The following LMBRD2 variants were observed in gnomAD, a reference collection of about 807,000 sequenced individuals.
LMBRD2 encodes LMBR1 domain containing 2.
Under a neutral mutation model 94.4 loss-of-function variants are expected in LMBRD2, and 55 were observed. The observed-to-expected ratio is 0.58, with a 90% CI of 0.47 to 0.73. The LOEUF (loss-of-function observed/expected upper bound fraction) is 0.73. Ranked by LOEUF, LMBRD2 falls within the 30% of genes least tolerant of loss-of-function variation. The pLI is 0.00. For synonymous variants in LMBRD2, 246 were observed against 272.4 expected (o/e 0.90, Z 0.95); for missense variants, 640 against 831.9 (o/e 0.77, Z 2.84).
chr5:36,123,225 G>A (rs968562737), intron 7 of LMBRD2, among the ~76,000 whole-genome samples: 1 of 152,024 alleles, frequency 6.6e-6, no homozygotes, highest in South Asian at 2.1e-4. Flanking sequence ...AGGCAGGGGA[G>A]CTTACCTGCA....
At position 36,124,920 on chromosome 5, in the gene LMBRD2, G is replaced by A. The variant is rs1399627400; in HGVS notation, c.748-655C>T. Among the ~76,000 whole-genome samples the A allele has an allele frequency of 2.0e-5, 3 of 150,762 alleles. No homozygotes were observed. In the East Asian group the frequency reaches 5.8e-4, roughly 29 times the overall value. ...AAACATTAGCCAGTCTCATAACCTGGTCTCTAAATAAATAAATAAATAAAT... is the reference window on the plus strand; with the variant it reads ...AAACATTAGCCAGTCTCATAACCTGATCTCTAAATAAATAAATAAATAAAT... On this transcript the variant is annotated intron_variant, in intron 6 of 17. Coordinates refer to ENST00000296603, the MANE Select transcript of LMBRD2 (RefSeq NM_001007527.2).
intron 4 of LMBRD2, among the ~76,000 whole-genome samples, chr5:36,139,540 T>G (rs1280139676): frequency 2.6e-5 from 4 of 152,198 alleles, no homozygotes; most frequent in Non-Finnish European, 5.9e-5. Flanking sequence ...GAGTGAGAAC[T>G]TAGGGTGCTT....
intron 16 of LMBRD2, among the ~76,000 whole-genome samples, chr5:36,106,048 T>A (rs1428840059): frequency 6.6e-6 from 1 of 152,082 alleles, no homozygotes; most frequent in Non-Finnish European, 1.5e-5. Context: ...TTTCTCTCAC[T>A]CATTCAGCAA....
chr5:36,141,912 AT>A (rs1561523365), intron 3 of LMBRD2, among the ~76,000 whole-genome samples: 1 of 152,146 alleles, frequency 6.6e-6, no homozygotes, highest in East Asian at 1.9e-4. Flanking sequence ...CTGAAGTTAG[AT>A]TTTTTAAAAA....
intron 17 of LMBRD2, among the ~76,000 whole-genome samples, chr5:36,104,601 C>A (rs909380022): frequency 9.2e-5 from 14 of 151,962 alleles, no homozygotes; most frequent in Admixed American, 3.3e-4. Flanking sequence ...ACTCTGGGCA[C>A]TTTACTGAGC....
In LMBRD2 at chr5:36,141,098, G is replaced by C. The variant is rs771964727; in HGVS notation, c.368+9C>G. 6.6e-7 allele frequency: 1 copy of C among 1,504,250 alleles called. No homozygotes were observed. The highest frequency in any genetic ancestry group is 1.2e-5 in the South Asian group (1 of 84,038). The allele number at this position is 1,504,250 out of a possible 1,614,324, so 93.2% of individuals were successfully genotyped here. A position where few individuals can be genotyped will look rare whatever the true frequency, so the allele number is the denominator to read the frequency against. On this transcript the variant is annotated intron_variant, in intron 4 of 17. Coordinates refer to ENST00000296603, the MANE Select transcript of LMBRD2 (RefSeq NM_001007527.2). ...AATTTTAAAAATTTTATCATTTACT[G>C]TAACTTACCATGTTAAAAATTGTGA...
chr5:36,136,242 C>G, intron 6 of LMBRD2, 67 bp downstream of exon 6: 1 of 1,488,950 alleles, frequency 6.7e-7, no homozygotes, highest in Non-Finnish European at 9.4e-7. Context: ...AACAACAAAC[C>G]AAAAATGACT....
intron 6 of LMBRD2, among the ~76,000 whole-genome samples, chr5:36,128,609 C>T (rs1179649579): frequency 2.0e-5 from 3 of 152,028 alleles, no homozygotes; most frequent in Non-Finnish European, 4.4e-5. Context: ...TACCAGCTAC[C>T]AGCTACTTGG....
At chr5:36,148,797 A>G (rs1744616752) in intron 1 of LMBRD2, among the ~76,000 whole-genome samples, 1 of 152,218 alleles carries the variant, frequency 6.6e-6, no homozygotes, top group South Asian at 2.1e-4. Flanking sequence ...TCTCTTCTCT[A>G]ATCTAGACAT....
intron 15 of LMBRD2, among the ~76,000 whole-genome samples, chr5:36,108,934 T>C (rs888601155): frequency 6.6e-6 from 1 of 152,154 alleles, no homozygotes; most frequent in South Asian, 2.1e-4. Flanking sequence ...ACTTTGACCA[T>C]GTAAAAGTTA....
At chr5:36,105,011 T>C in intron 17 of LMBRD2, 57 bp downstream of exon 17, 1 of 1,521,188 alleles carries the variant, frequency 6.6e-7, no homozygotes, top group Non-Finnish European at 9.0e-7. Context: ...GTCAAGTCAA[T>C]GTGTTATTAA....
At chr5:36,126,617 C>A (rs1744013645) in intron 6 of LMBRD2, among the ~76,000 whole-genome samples, 1 of 152,138 alleles carries the variant, frequency 6.6e-6, no homozygotes, top group South Asian at 2.1e-4. Flanking sequence ...GTAGAGGTGA[C>A]CTTTTTGGCC....
At chr5:36,139,839 A>G (rs1744362131) in intron 4 of LMBRD2, among the ~76,000 whole-genome samples, 2 of 152,186 alleles carry the variant, frequency 1.3e-5, no homozygotes, top group South Asian at 4.1e-4. Context: ...GAGTTGTACT[A>G]TCACTCAATA....
In LMBRD2 at chr5:36,108,536, C is replaced by T. The variant is rs758109890; in HGVS notation, c.1895G>A (p.Arg632His). ...GAACTAGAAGATAAACTACTTACAA[C>T]GGTTGGTATTAACATCTGAGAAGTT... ...ESNFSDVNTN[R>H]SAFKYTRANN... Residue 632 changes from arginine (R) to histidine (H), a missense_variant and splice_region_variant, in exon 16 of 18, where the codon CGT becomes CAT. Transcript: ENST00000296603. 7.0e-5 allele frequency: 105 copies of T among 1,508,044 alleles called. No homozygotes were observed. Among genetic ancestry groups the T allele is most frequent in the Non-Finnish European group, 8.2e-5 (90 of 1,100,336 alleles). The allele number at this position is 1,508,044 out of a possible 1,614,324, so 93.4% of individuals were successfully genotyped here. A position where few individuals can be genotyped will look rare whatever the true frequency, so the allele number is the denominator to read the frequency against.
chr5:36,107,809 G>A (rs1238631897), intron 16 of LMBRD2, among the ~76,000 whole-genome samples: 1 of 152,112 alleles, frequency 6.6e-6, no homozygotes, highest in East Asian at 1.9e-4. Flanking sequence ...TGCAAAACTT[G>A]TAGCTGAGTG....
chr5:36,149,219 G>C (rs376582337), intron 1 of LMBRD2, among the ~76,000 whole-genome samples: 8 of 152,066 alleles, frequency 5.3e-5, no homozygotes, highest in African/African-American at 1.9e-4. Context: ...CAAAGTCCCT[G>C]CCCTTAAAAA....
Position 36,151,028 on chromosome 5 carries a change from T to C in LMBRD2, c.-58+528A>G, listed in dbSNP as rs1036205435. 6.6e-6 allele frequency among the ~76,000 whole-genome samples: 1 copy of C among 152,200 alleles called. No homozygotes were observed. The highest frequency in any genetic ancestry group is 2.4e-5 in the African/African-American group (1 of 41,450). ...TTCATCCCCCTTCCCTCTTCCACTG[T>C]TTTCCCGGGGTCACAGTTGTAGTAT... On this transcript the variant is annotated intron_variant, in intron 1 of 17. Coordinates refer to ENST00000296603, the MANE Select transcript of LMBRD2 (RefSeq NM_001007527.2). This position sits in a 1 kb window ranked among gnomAD's most constrained non-coding sequence, Gnocchi z 4.7.
At position 36,120,109 on chromosome 5, in the gene LMBRD2, A is replaced by G. The variant is rs1281284487; in HGVS notation, c.1120+2171T>C. On this transcript the variant is annotated intron_variant, in intron 9 of 17. Transcript: ENST00000296603. Reference sequence around the variant, plus strand: ...GAGTCTCATTCTGTCCCCAGGCTGGAGTGTAGTGGTGCAATCTTGGCTCAC... The same window carrying G: ...GAGTCTCATTCTGTCCCCAGGCTGGGGTGTAGTGGTGCAATCTTGGCTCAC... Among the ~76,000 whole-genome samples the G allele has an allele frequency of 2.1e-5, 3 of 140,080 alleles. No individual in the cohort carries two copies. The Admixed American group carries it at 2.3e-4, about 11-fold the overall frequency. 91.9% of individuals were successfully genotyped at this position (140,080 alleles called of 152,430 possible).
chr5:36,141,033 A>C, intron 4 of LMBRD2, 74 bp downstream of exon 4: 1 of 802,962 alleles, frequency 1.2e-6, no homozygotes, highest in Non-Finnish European at 2.1e-6. Flanking sequence ...AATAAATTCC[A>C]AACTATATTG....
Sources: allele counts gnomAD v4.1 joint callset (sites outside exome capture counted in the v4.1 genomes callset), GRCh38; gene constraint gnomAD v4.1.1; non-coding constraint Gnocchi (gnomAD v3.1); transcripts MANE v1.5; gene names NCBI Gene and HGNC (gene_info 2026-07-23, HGNC 2026-07-21).